Variants in MARF1 observed in about 807,000 individuals in gnomAD.
The protein encoded by MARF1 is limkain-b1.
A neutral mutation model predicts 168.2 loss-of-function variants in MARF1; 24 were observed. The ratio of observed to expected loss-of-function variants is 0.14; its 90% confidence interval spans 0.10 to 0.20. The LOEUF is 0.20. MARF1 is among the 10% of genes least tolerant of loss of function. MARF1 has a pLI of 1.00. For missense variants in MARF1, 1,744 were observed against 2,143.6 expected, an observed-to-expected ratio of 0.81 and a Z score of 3.68; for synonymous variants, 868 against 822.4, an observed-to-expected ratio of 1.06 and a Z score of -0.95.
At position 15,624,879 on chromosome 16, in the gene MARF1, T is replaced by G. The variant is rs1313643313; in HGVS notation, c.2160A>C (p.Lys720Asn). 8 of 1,614,208 alleles carry G rather than the reference T, an allele frequency of 5.0e-6. No homozygotes were observed. Among genetic ancestry groups the G allele is most frequent in the Non-Finnish European group, 6.8e-6 (8 of 1,180,046 alleles). The stretch of plus-strand genomic sequence containing the variant: ...GGAATACAGTCTCCTCTTTATCTTT[T>G]TTCTCTACAGGAGAACTGGTAACAC... ...ARSVTSSPVE[K>N]KDKEETVFQV... Residue 720 changes from lysine to asparagine, a missense_variant, in exon 10 of 27, where the codon AAA (lysine) becomes AAC (asparagine). This residue lies in a region of MARF1 where 270 missense variants were observed against 260.6 expected (regional missense o/e 1.04). Coordinates refer to ENST00000396368, the MANE Select transcript of MARF1 (RefSeq NM_014647.4).
At chr16:15,642,978 G>C (rs1452099559) in intron 1 of MARF1, 40 bp downstream of exon 1, 1 of 229,608 alleles carries the variant, frequency 4.4e-6, no homozygotes, top group East Asian at 1.8e-4. Flanking sequence ...TCGGAGCAGA[G>C]CCTGCCGGGG....
At chr16:15,612,813 C>T (rs1324891723) in intron 16 of MARF1, 36 bp from the exon 17 acceptor site, 2 of 1,558,274 alleles carry the variant, frequency 1.3e-6, no homozygotes, top group South Asian at 1.1e-5. Flanking sequence ...ACAGAAAGCA[C>T]AGATTTCACC....
chr16:15,639,477 T>C (rs554656066), intron 1 of MARF1, among the ~76,000 whole-genome samples, 186 bp from the exon 2 acceptor site: 14 of 152,300 alleles, frequency 9.2e-5, no homozygotes, highest in African/African-American at 3.1e-4. Context: ...CTCAGCTCAC[T>C]GCAACCTCCG....
At chr16:15,614,267 G>A (rs977431674) in intron 16 of MARF1, among the ~76,000 whole-genome samples, 14 of 151,652 alleles carry the variant, frequency 9.2e-5, no homozygotes, top group African/African-American at 3.4e-4. Flanking sequence ...CGGATCACGA[G>A]GTCAGGAGAT....
At chr16:15,599,417 A>T (rs939399026) in intron 25 of MARF1, among the ~76,000 whole-genome samples, 3 of 151,974 alleles carry the variant, frequency 2.0e-5, no homozygotes, top group African/African-American at 7.3e-5. Context: ...CTAGCTGCTG[A>T]CTCTGGGTGA....
intron 23 of MARF1, chr16:15,600,934 G>C: frequency 1.4e-6 from 1 of 699,270 alleles, no homozygotes; most frequent in Non-Finnish European, 2.6e-6. Flanking sequence ...CACAGTTTCA[G>C]AAATATCCTT....
chr16:15,628,047 A>T (rs2034996671), intron 7 of MARF1, among the ~76,000 whole-genome samples: 1 of 152,208 alleles, frequency 6.6e-6, no homozygotes, highest in African/African-American at 2.4e-5. Context: ...AACAAAACAA[A>T]ACACAAAACT....
intron 16 of MARF1, among the ~76,000 whole-genome samples, chr16:15,615,429 T>C (rs1467330257): frequency 1.3e-5 from 2 of 151,920 alleles, no homozygotes; most frequent in Non-Finnish European, 2.9e-5. Flanking sequence ...ATCAAGACCA[T>C]CCTGGCCAAT....
chr16:15,625,609 A>T lies in MARF1; in HGVS notation c.1716T>A (p.Asp572Glu). 1 of 1,614,198 alleles carries T rather than the reference A, an allele frequency of 6.2e-7. No individual in the cohort carries two copies. Among genetic ancestry groups the T allele is most frequent in the Non-Finnish European group, 8.5e-7 (1 of 1,180,032 alleles). ...ACACAATGATCCTATTACCAAAGAC[A>T]TCTTCGTTTTCCATTCGCTTCTGAG... ...ERAQKRMENE[D>E]VFGNRIIVSF... Residue 572 changes from aspartate (D) to glutamate (E), a missense_variant, in exon 8 of 27, where the codon GAT (aspartate) becomes GAA (glutamate). Coordinates refer to ENST00000396368, the MANE Select transcript of MARF1 (RefSeq NM_014647.4).
intron 22 of MARF1, chr16:15,602,499 C>T (rs747411134): frequency 1.5e-5 from 8 of 539,894 alleles, no homozygotes; most frequent in East Asian, 1.1e-4. Context: ...GAAGACAAGA[C>T]GAAGACGACG....
In MARF1 at chr16:15,600,537, G is replaced by A. The variant is rs750744258; in HGVS notation, c.4704C>T (p.Leu1568=). ...TTTCATGATTGGCAGGGGAGAGACT[G>A]AGTGAACTCAAACGACCTACAGGAC... ...KNDMKSRLSS[L]SLSPANHENQ... is the part of the protein sequence containing the mutation. The change falls in exon 25 of 27, where the codon CTC becomes CTT. Residue 1568 remains leucine (L), a synonymous_variant. Transcript: ENST00000396368. The A allele has an allele frequency of 6.2e-7, 1 of 1,614,224 alleles. No individual in the cohort carries two copies. Among genetic ancestry groups the A allele is most frequent in the Non-Finnish European group, 8.5e-7 (1 of 1,180,044 alleles).
At position 15,617,549 on chromosome 16, in the gene MARF1, A is replaced by G; in HGVS notation, c.2721-14T>C. 1.9e-6 allele frequency: 3 copies of G among 1,560,610 alleles called. No individual in the cohort carries two copies. Among genetic ancestry groups the G allele is most frequent in the Non-Finnish European group, 2.6e-6 (3 of 1,139,216 alleles). ...TTGTGTCCAAACCTAAAAGCAAGAGAAGAGAGACGCTGACTTAGAAGGTTT... is the reference window on the plus strand; with the variant it reads ...TTGTGTCCAAACCTAAAAGCAAGAGGAGAGAGACGCTGACTTAGAAGGTTT... On this transcript the variant is annotated splice_polypyrimidine_tract_variant and intron_variant, in intron 13 of 26. Transcript: ENST00000396368.
intron 11 of MARF1, 68 bp downstream of exon 11, chr16:15,622,866 T>G: frequency 7.6e-7 from 1 of 1,308,862 alleles, no homozygotes; most frequent in Non-Finnish European, 1.0e-6. Flanking sequence ...GTATATCAAA[T>G]TAGGTCCTCT....
At chr16:15,622,126 T>C (rs757352888) in intron 11 of MARF1, among the ~76,000 whole-genome samples, 4 of 152,168 alleles carry the variant, frequency 2.6e-5, no homozygotes, top group Non-Finnish European at 4.4e-5. Flanking sequence ...CTGTGTGCTC[T>C]GGCACACACA....
intron 22 of MARF1, 90 bp downstream of exon 22, chr16:15,604,078 T>C (rs1209871377): frequency 3.9e-6 from 4 of 1,030,826 alleles, no homozygotes; most frequent in Non-Finnish European, 3.0e-6. Flanking sequence ...CTTCCAGCTC[T>C]ACACACTCTA....
At chr16:15,600,840 C>T in intron 23 of MARF1, 139 bp from the exon 24 acceptor site, 1 of 841,908 alleles carries the variant, frequency 1.2e-6, no homozygotes, top group South Asian at 1.4e-5. Context: ...GCATGTTTCT[C>T]TACTCTCTCC....
intron 26 of MARF1, among the ~76,000 whole-genome samples, chr16:15,597,424 G>A (rs1004656055): frequency 6.6e-6 from 1 of 152,192 alleles, no homozygotes; most frequent in Non-Finnish European, 1.5e-5. Flanking sequence ...GGATAAGGAA[G>A]GACTACGCAG....
In MARF1 at chr16:15,630,478, T is replaced by C; in HGVS notation, c.1378A>G (p.Ser460Gly). Residue 460 changes from serine (S) to glycine (G), a missense_variant, in exon 7 of 27, where the codon AGT (serine) becomes GGT (glycine). By Grantham distance (56) the Ser-to-Gly change is moderately conservative. This residue lies in a region of MARF1 where 217 missense variants were observed against 372.4 expected (regional missense o/e 0.58). Coordinates refer to ENST00000396368, the MANE Select transcript of MARF1 (RefSeq NM_014647.4). Reference sequence around the variant, plus strand: ...AAACCATGCCTGTGTCTCAGGTCACTAAGTTCCAATGCAAAATTGACATCA... The same window carrying C: ...AAACCATGCCTGTGTCTCAGGTCACCAAGTTCCAATGCAAAATTGACATCA... Reference protein sequence around the residue: ...STDVNFALELSDLRHRHGFHI... With the variant: ...STDVNFALELGDLRHRHGFHI... 6.2e-7 allele frequency: 1 copy of C among 1,613,534 alleles called. No homozygotes were observed. The highest frequency in any genetic ancestry group is 8.5e-7 in the Non-Finnish European group (1 of 1,179,800).
At position 15,624,620 on chromosome 16, in the gene MARF1, T is replaced by C. The variant is rs78017491; in HGVS notation, c.2270+149A>G. ...ATTGCCCCTAAATGTTAACGATGAT[T>C]ACCTGAGGAGAGGGGGACTGGCAGA... On this transcript the variant is annotated intron_variant, in intron 10 of 26. Coordinates refer to ENST00000396368, the MANE Select transcript of MARF1 (RefSeq NM_014647.4). 5,837 of 723,554 alleles carry C rather than the reference T, an allele frequency of 8.1e-3. 252 individuals are homozygous for C. In the African/African-American group the frequency reaches 0.093, roughly 11 times the overall value. 44.8% of individuals were successfully genotyped at this position (723,554 alleles called of 1,614,324 possible). A position where few individuals can be genotyped will look rare whatever the true frequency, so the allele number is the denominator to read the frequency against.
Sources: allele counts gnomAD v4.1 joint callset (sites outside exome capture counted in the v4.1 genomes callset), GRCh38; gene constraint gnomAD v4.1.1; regional missense constraint gnomAD v4.1.1; transcripts MANE v1.5; gene names NCBI Gene and HGNC (gene_info 2026-07-23, HGNC 2026-07-21).